Variants in PEAK1 observed in about 807,000 individuals in gnomAD.
PEAK1 encodes inactive tyrosine-protein kinase PEAK1.
Under a neutral mutation model 124.7 loss-of-function variants are expected in PEAK1, and 54 were observed. That is an observed-to-expected ratio of 0.43 (90% confidence interval 0.35 to 0.54). The LOEUF (loss-of-function observed/expected upper bound fraction) is 0.54. Ranked by LOEUF, PEAK1 falls within the 20% of genes least tolerant of loss-of-function variation. PEAK1 has a pLI of 0.01. For missense variants in PEAK1, 2,046 were observed against 2,134.5 expected, an observed-to-expected ratio of 0.96 and a Z score of 0.82; for synonymous variants, 719 against 760.0, an observed-to-expected ratio of 0.95 and a Z score of 0.89.
intron 8 of PEAK1, among the ~76,000 whole-genome samples, chr15:77,150,468 A>C (rs1024058986): frequency 6.6e-6 from 1 of 152,120 alleles, no homozygotes; most frequent in African/African-American, 2.4e-5. Flanking sequence ...TTTTTCTACC[A>C]GTCTTCATAA....
At position 77,205,275 on chromosome 15, in the gene PEAK1, TAA is replaced by T. The variant is rs374955010; in HGVS notation, c.-114-23237_-114-23236del. On this transcript the variant is annotated intron_variant, in intron 6 of 9. Transcript: ENST00000682557. ...TTTTTTAAGATCAAATGCCTTTTTTTAAAAAAAAAAAAAAAGAAGTTAAATAA... is the reference window on the plus strand; with the variant it reads ...TTTTTTAAGATCAAATGCCTTTTTTTAAAAAAAAAAAAAGAAGTTAAATAA... Among the ~76,000 whole-genome samples, 711 of 143,428 alleles carry T rather than the reference TAA, an allele frequency of 5.0e-3. 6 individuals are homozygous for T. The highest frequency in any genetic ancestry group is 0.016 in the African/African-American group (615 of 38,898). 94.1% of individuals were successfully genotyped at this position (143,428 alleles called of 152,430 possible).
chr15:77,294,336 G>C (rs2152983730), intron 2 of PEAK1, among the ~76,000 whole-genome samples: 1 of 152,180 alleles, frequency 6.6e-6, no homozygotes, highest in Non-Finnish European at 1.5e-5. Flanking sequence ...TAATATAAAA[G>C]GTATTTTAAA....
chr15:77,298,197 ATTTTTTTTTTTTTTTTT>A (rs749000554), intron 2 of PEAK1, among the ~76,000 whole-genome samples: 47 of 37,820 alleles, frequency 1.2e-3, no homozygotes, highest in East Asian at 6.3e-3. Context: ...GGTATCCTTA[ATTTTTTTTTTTTTTTTT>A]TTTTTTTTTT....
chr15:77,210,253 T>C (rs1262315131), intron 6 of PEAK1, among the ~76,000 whole-genome samples: 2 of 152,238 alleles, frequency 1.3e-5, no homozygotes, highest in African/African-American at 2.4e-5. Flanking sequence ...AGATGTATAT[T>C]AAAGCTTCTA....
At chr15:77,389,942 C>G (rs1431983825) in intron 1 of PEAK1, among the ~76,000 whole-genome samples, 1 of 152,144 alleles carries the variant, frequency 6.6e-6, no homozygotes, top group Non-Finnish European at 1.5e-5. Flanking sequence ...TGATTTGAAA[C>G]AGAATGATGA....
At chr15:77,374,221 G>A (rs899805234) in intron 1 of PEAK1, among the ~76,000 whole-genome samples, 1 of 152,108 alleles carries the variant, frequency 6.6e-6, no homozygotes, top group African/African-American at 2.4e-5. Flanking sequence ...AGAGGAAAAG[G>A]CAAGAATGAG....
chr15:77,248,812 T>C (rs1017922725), intron 6 of PEAK1, among the ~76,000 whole-genome samples: 3 of 152,072 alleles, frequency 2.0e-5, no homozygotes, highest in Admixed American at 6.5e-5. Context: ...TTTTATTTTA[T>C]TTTATTTTAT....
At chr15:77,313,726 G>GTGTATATATATATATATA (rs1462211130) in intron 2 of PEAK1, among the ~76,000 whole-genome samples, 1 of 108,568 alleles carries the variant, frequency 9.2e-6, no homozygotes, top group African/African-American at 3.4e-5. Context: ...GTGTGTGTGT[G>GTGTATATATATATATATA]TATATATATA....
chr15:77,335,433 T>C, intron 2 of PEAK1: 32 of 985,364 alleles, frequency 3.2e-5, no homozygotes, highest in Non-Finnish European at 3.7e-5. Context: ...TCTGCTATTT[T>C]GCCCAATACT....
intron 2 of PEAK1, chr15:77,335,997 G>A (rs756860515): frequency 1.1e-5 from 11 of 985,176 alleles, no homozygotes; most frequent in African/African-American, 3.5e-5. Flanking sequence ...ACTCCAAATG[G>A]TCAGAGTTAA....
chr15:77,331,960 G>A (rs1166976960), intron 2 of PEAK1, among the ~76,000 whole-genome samples: 1 of 151,974 alleles, frequency 6.6e-6, no homozygotes, highest in Non-Finnish European at 1.5e-5. Context: ...CTAGAGGCTG[G>A]GCGAGGTGGC....
At chr15:77,335,401 G>T in intron 2 of PEAK1, 3 of 985,258 alleles carry the variant, frequency 3.0e-6, no homozygotes, top group Non-Finnish European at 3.6e-6. Context: ...ATTTAGATGG[G>T]TGAAGATAGG....
intron 1 of PEAK1, among the ~76,000 whole-genome samples, chr15:77,393,995 C>T (rs1257093433): frequency 6.6e-6 from 1 of 152,176 alleles, no homozygotes; most frequent in Non-Finnish European, 1.5e-5. Context: ...AGGCAGTACT[C>T]ACCACGGGCC....
chr15:77,165,482 C>A (rs2056021997), intron 7 of PEAK1, among the ~76,000 whole-genome samples: 1 of 152,200 alleles, frequency 6.6e-6, no homozygotes, highest in African/African-American at 2.4e-5. Context: ...CAGGAGTGAG[C>A]CACTGCGCCC....
At chr15:77,188,296 A>G (rs1415874850) in intron 6 of PEAK1, among the ~76,000 whole-genome samples, 1 of 152,202 alleles carries the variant, frequency 6.6e-6, no homozygotes, top group Admixed American at 6.5e-5. Flanking sequence ...CAGTTTTTCT[A>G]ACAGTTCACT....
At chr15:77,386,659 T>C (rs189569813) in intron 1 of PEAK1, among the ~76,000 whole-genome samples, 1 of 152,242 alleles carries the variant, frequency 6.6e-6, no homozygotes, top group East Asian at 1.9e-4. Flanking sequence ...GACTCAGAGA[T>C]AGAAGGGCCT....
At chr15:77,408,999 A>G (rs1013875644) in intron 1 of PEAK1, among the ~76,000 whole-genome samples, 1 of 152,098 alleles carries the variant, frequency 6.6e-6, no homozygotes, top group Non-Finnish European at 1.5e-5. Context: ...TGAGCCCGGG[A>G]GGTCAAGTCT....
chr15:77,209,306 C>A (rs960330684), intron 6 of PEAK1, among the ~76,000 whole-genome samples: 1 of 151,806 alleles, frequency 6.6e-6, no homozygotes, highest in Non-Finnish European at 1.5e-5. Context: ...CAAAGTAACC[C>A]GAATGAAGTC....
At chr15:77,200,956 C>T (rs921483466) in intron 6 of PEAK1, among the ~76,000 whole-genome samples, 1 of 151,782 alleles carries the variant, frequency 6.6e-6, no homozygotes, top group Non-Finnish European at 1.5e-5. Context: ...CATAACTTAC[C>T]TCTGGAGTAA....
Sources: allele counts gnomAD v4.1 joint callset (sites outside exome capture counted in the v4.1 genomes callset), GRCh38; gene constraint gnomAD v4.1.1; transcripts MANE v1.5; gene names NCBI Gene and HGNC (gene_info 2026-07-23, HGNC 2026-07-21).